SRD5A2: variants seen among roughly 807,000 people sequenced by gnomAD.
The protein encoded by SRD5A2 is 3-oxo-5-alpha-steroid 4-dehydrogenase 2.
In SRD5A2, 30 loss-of-function variants were observed where a neutral mutation model predicts 27.4. The observed-to-expected ratio is 1.10, with a 90% CI of 0.82 to 1.49. SRD5A2 has a LOEUF of 1.49. Among genes scored for constraint, SRD5A2 ranks in the 40% most tolerant of loss-of-function variants. The pLI, the probability that SRD5A2 is intolerant of heterozygous loss-of-function variation, is 0.00. For synonymous variants in SRD5A2, 141 were observed against 133.6 expected (o/e 1.06, Z -0.38); for missense variants, 348 against 323.4 (o/e 1.08, Z -0.58).
chr2:31,563,874 C>G (rs563382233), intron 1 of SRD5A2, among the ~76,000 whole-genome samples: 1 of 152,174 alleles, frequency 6.6e-6, no homozygotes, highest in East Asian at 1.9e-4. Flanking sequence ...TTAATTAGCC[C>G]TAGCATTAAC....
the SRD5A2 span, among the ~76,000 whole-genome samples, chr2:31,586,496 T>A: frequency 6.6e-6 from 1 of 150,806 alleles, no homozygotes; most frequent in Non-Finnish European, 1.5e-5. Flanking sequence ...ATAGTGGTGG[T>A]GTCCTCAGGG....
the SRD5A2 span, among the ~76,000 whole-genome samples, chr2:31,635,125 T>A: frequency 6.6e-6 from 1 of 152,286 alleles, no homozygotes; most frequent in Admixed American, 6.5e-5. Context: ...CTCCACAGTG[T>A]CTGTACCAAT....
At chr2:31,629,398 A>G in the SRD5A2 span, among the ~76,000 whole-genome samples, 1 of 152,084 alleles carries the variant, frequency 6.6e-6, no homozygotes, top group Non-Finnish European at 1.5e-5. Context: ...CCATGAAGGG[A>G]CCTCCAAAGC....
At chr2:31,612,668 C>G in the SRD5A2 span, among the ~76,000 whole-genome samples, 1 of 151,970 alleles carries the variant, frequency 6.6e-6, no homozygotes, top group East Asian at 1.9e-4. Context: ...AAAAACAATC[C>G]TAAAATTTAT....
chr2:31,660,946 A>C, the SRD5A2 span, among the ~76,000 whole-genome samples: 1 of 152,082 alleles, frequency 6.6e-6, no homozygotes, highest in Non-Finnish European at 1.5e-5. Flanking sequence ...CCCCAAAAGA[A>C]GGGTTCCATT....
intron 1 of SRD5A2, among the ~76,000 whole-genome samples, chr2:31,534,692 G>A (rs1665988774): frequency 6.6e-6 from 1 of 152,132 alleles, no homozygotes; most frequent in South Asian, 2.1e-4. Context: ...GCATTCATCT[G>A]ATCTTTTGCA....
intron 1 of SRD5A2, among the ~76,000 whole-genome samples, chr2:31,558,740 G>A (rs1666552353): frequency 6.6e-6 from 1 of 152,068 alleles, no homozygotes; most frequent in South Asian, 2.1e-4. Flanking sequence ...TACCCCAATT[G>A]CCTACAGTAG....
chr2:31,583,152 G>C (rs912817855), upstream of SRD5A2, among the ~76,000 whole-genome samples: 2 of 152,208 alleles, frequency 1.3e-5, no homozygotes, highest in African/African-American at 4.8e-5. Flanking sequence ...TAACAAGTTA[G>C]AGCCCAGCTC....
At chr2:31,553,557 A>G (rs1382840649) in intron 1 of SRD5A2, among the ~76,000 whole-genome samples, 1 of 152,238 alleles carries the variant, frequency 6.6e-6, no homozygotes, top group Non-Finnish European at 1.5e-5. Flanking sequence ...ATACAAGGAC[A>G]CATCAATAAT....
the SRD5A2 span, among the ~76,000 whole-genome samples, chr2:31,628,498 T>C: frequency 6.6e-6 from 1 of 152,170 alleles, no homozygotes; most frequent in African/African-American, 2.4e-5. Flanking sequence ...TATGTGTGGA[T>C]TCGATCCTGT....
the SRD5A2 span, among the ~76,000 whole-genome samples, chr2:31,617,847 C>T: frequency 7.2e-5 from 11 of 152,214 alleles, no homozygotes; most frequent in African/African-American, 2.7e-4. Context: ...CCAAACTTTC[C>T]CACATTTTCC....
chr2:31,599,358 C>G, the SRD5A2 span, among the ~76,000 whole-genome samples: 1 of 151,974 alleles, frequency 6.6e-6, no homozygotes, highest in Non-Finnish European at 1.5e-5. Context: ...ACAGAATATA[C>G]TTTATTTTCC....
the SRD5A2 span, among the ~76,000 whole-genome samples, chr2:31,630,631 A>G: frequency 1.3e-5 from 2 of 152,230 alleles, no homozygotes; most frequent in Non-Finnish European, 2.9e-5. Context: ...AACAGAAGAA[A>G]GTAGAAAAAT....
the SRD5A2 span, among the ~76,000 whole-genome samples, chr2:31,648,694 T>C: frequency 6.6e-6 from 1 of 152,340 alleles, no homozygotes; most frequent in South Asian, 2.1e-4. Flanking sequence ...AACTGCTGGA[T>C]GCTTTATGGG....
At chr2:31,573,627 G>A (rs1041909078) in intron 1 of SRD5A2, among the ~76,000 whole-genome samples, 4 of 152,150 alleles carry the variant, frequency 2.6e-5, no homozygotes, top group Admixed American at 1.3e-4. Flanking sequence ...CCCTTCATTA[G>A]AGCATCACTG....
At chr2:31,646,215 T>C in the SRD5A2 span, among the ~76,000 whole-genome samples, 1 of 152,132 alleles carries the variant, frequency 6.6e-6, no homozygotes, top group Non-Finnish European at 1.5e-5. Context: ...GGTGCCTTCT[T>C]GCATCTACAT....
At chr2:31,527,076 C>CG (rs1665798796) in intron 4 of SRD5A2, 3 of 152,316 alleles carry the variant, frequency 2.0e-5, no homozygotes, top group African/African-American at 4.8e-5. Context: ...AGAGCCGTCA[C>CG]GGGGGCCTGG....
the SRD5A2 span, among the ~76,000 whole-genome samples, chr2:31,644,957 A>T: frequency 5.9e-5 from 9 of 152,232 alleles, no homozygotes; most frequent in Non-Finnish European, 7.3e-5. Flanking sequence ...TTATTAATTT[A>T]TCTCAAAACT....
At chr2:31,605,416 G>C in the SRD5A2 span, among the ~76,000 whole-genome samples, 1 of 151,702 alleles carries the variant, frequency 6.6e-6, no homozygotes, top group Non-Finnish European at 1.5e-5. Flanking sequence ...TTCACTACCA[G>C]AATATATAAG....
Sources: gnomAD v4.1 joint callset for allele counts (sites outside exome capture counted in the v4.1 genomes callset) on GRCh38, gnomAD v4.1.1 for gene constraint, MANE v1.5 for transcripts, NCBI Gene and HGNC (gene_info 2026-07-23, HGNC 2026-07-21) for gene names.